Variants in DNAAF9 observed in about 807,000 individuals in gnomAD.
The protein encoded by DNAAF9 is dynein axonemal assembly factor 9, also known as shulin.
DNAAF9 carries 90 observed loss-of-function variants against 167.0 expected under a neutral mutation model. The observed-to-expected ratio is 0.54, with a 90% confidence interval of 0.45 to 0.64. The LOEUF (loss-of-function observed/expected upper bound fraction) is 0.64. DNAAF9 is among the 30% of genes least tolerant of loss of function. The pLI is 0.00. For synonymous variants in DNAAF9, 491 were observed against 508.8 expected, an observed-to-expected ratio of 0.96 and a Z score of 0.47; for missense variants, 1,315 against 1,442.2, an observed-to-expected ratio of 0.91 and a Z score of 1.43.
intron 3 of DNAAF9, among the ~76,000 whole-genome samples, chr20:3,380,781 T>C (rs1328975430): frequency 6.6e-6 from 1 of 152,222 alleles, no homozygotes; most frequent in Admixed American, 6.5e-5. Flanking sequence ...ATTCTAAATA[T>C]GTGATATCAG....
chr20:3,332,369 T>C lies in DNAAF9; in HGVS notation c.982-8A>G, dbSNP rs1241580255. ...TGAGACACACTGGGCTACCTGGATG[T>C]CAGAAAAAAATAAAAATAAAAAGGG... is the stretch of plus-strand genomic sequence containing the variant. On this transcript the variant is annotated splice_polypyrimidine_tract_variant and splice_region_variant and intron_variant, in intron 10 of 36. Coordinates refer to ENST00000252032, the MANE Select transcript of DNAAF9 (RefSeq NM_001009984.3). 1 of 1,548,518 alleles carries C rather than the reference T, an allele frequency of 6.5e-7. No homozygotes were observed.
intron 32 of DNAAF9, 101 bp downstream of exon 32, chr20:3,259,821 G>T: frequency 1.3e-6 from 1 of 757,342 alleles, no homozygotes; most frequent in Non-Finnish European, 2.3e-6. Flanking sequence ...CAAAAGGTAA[G>T]AAGACATACA....
intron 23 of DNAAF9, chr20:3,295,666 T>C: frequency 1.9e-6 from 1 of 538,054 alleles, no homozygotes; most frequent in Non-Finnish European, 3.8e-6. Context: ...TGTTTCACAT[T>C]AGAGACAAAC....
chr20:3,323,625 G>C (rs2069659081), intron 14 of DNAAF9, among the ~76,000 whole-genome samples: 2 of 152,176 alleles, frequency 1.3e-5, no homozygotes, highest in Admixed American at 1.3e-4. Context: ...GGGGCTCTAG[G>C]TGGAAGACTG....
At chr20:3,255,745 A>G (rs1453002075) in intron 34 of DNAAF9, among the ~76,000 whole-genome samples, 3 of 152,186 alleles carry the variant, frequency 2.0e-5, no homozygotes, top group Non-Finnish European at 2.9e-5. Flanking sequence ...TAAACCCCCA[A>G]GGCTGTGCTA....
intron 9 of DNAAF9, 130 bp downstream of exon 9, chr20:3,343,546 G>A: frequency 1.5e-6 from 1 of 672,470 alleles, no homozygotes; most frequent in Non-Finnish European, 2.7e-6. Flanking sequence ...CTTACCCTGT[G>A]ATAACTAAAG....
intron 1 of DNAAF9, among the ~76,000 whole-genome samples, chr20:3,387,668 C>T (rs1429794732): frequency 6.6e-6 from 1 of 151,870 alleles, no homozygotes; most frequent in African/African-American, 2.4e-5. Flanking sequence ...AACTTCTGTG[C>T]ATCAAATGAC....
At chr20:3,336,610 T>G (rs2069956308) in intron 10 of DNAAF9, among the ~76,000 whole-genome samples, 1 of 152,104 alleles carries the variant, frequency 6.6e-6, no homozygotes. Context: ...AGTGCAATGG[T>G]GCAACCTTGG....
At chr20:3,262,394 G>A (rs1189372761) in intron 31 of DNAAF9, among the ~76,000 whole-genome samples, 1 of 151,930 alleles carries the variant, frequency 6.6e-6, no homozygotes, top group Non-Finnish European at 1.5e-5. Flanking sequence ...GGGACTACAG[G>A]TGCCTGCCAC....
At chr20:3,304,262 C>T (rs1210080141) in intron 21 of DNAAF9, among the ~76,000 whole-genome samples, 178 bp downstream of exon 21, 3 of 152,284 alleles carry the variant, frequency 2.0e-5, no homozygotes, top group Admixed American at 2.0e-4. Context: ...GGCTCGTAAG[C>T]GTCTTGAGAA....
chr20:3,281,586 G>A (rs903104104), intron 28 of DNAAF9, 55 bp downstream of exon 28: 5 of 1,510,882 alleles, frequency 3.3e-6, no homozygotes, highest in African/African-American at 1.4e-5. Flanking sequence ...GTCTTCTTCT[G>A]GTGGGTGGAA....
intron 6 of DNAAF9, chr20:3,362,286 G>A: frequency 8.3e-7 from 1 of 1,198,262 alleles, no homozygotes; most frequent in South Asian, 1.3e-5. Flanking sequence ...GTTGGAAATT[G>A]CAAGGGACTT....
In DNAAF9 at chr20:3,343,949, C is replaced by T. The variant is rs1045747537; in HGVS notation, c.790-218G>A. On this transcript the variant is annotated intron_variant, in intron 8 of 36. Coordinates refer to ENST00000252032, the MANE Select transcript of DNAAF9 (RefSeq NM_001009984.3). ...TTATAAGAACATGGAAAGATGTGTA[C>T]GGTTAATAGCAATATGAATTTTAGG... Among the ~76,000 whole-genome samples the T allele has an allele frequency of 1.5e-4, 22 of 151,146 alleles. No individual in the cohort carries two copies. The Middle Eastern group carries it at 0.01, about 70-fold the overall frequency.
In DNAAF9 at chr20:3,258,268, A is replaced by G. The variant is rs1452940809; in HGVS notation, c.3055+1212T>C. On this transcript the variant is annotated intron_variant, in intron 33 of 36. Transcript: ENST00000252032. Reference sequence around the variant, plus strand: ...AGCAGGGGCTGGCTGTTGGAGCCTGAGATTAGTGGGCTTGGGTGTGGGGCC... The same window carrying G: ...AGCAGGGGCTGGCTGTTGGAGCCTGGGATTAGTGGGCTTGGGTGTGGGGCC... Among the ~76,000 whole-genome samples, 3 of 152,208 alleles carry G rather than the reference A, an allele frequency of 2.0e-5. No individual in the cohort carries two copies. The East Asian group carries it at 5.8e-4, about 29-fold the overall frequency.
intron 33 of DNAAF9, 23 bp downstream of exon 33, chr20:3,259,456 TC>T (rs2068340307): frequency 2.7e-6 from 4 of 1,472,362 alleles, no homozygotes; most frequent in Non-Finnish European, 3.8e-6. Context: ...GGTGTAGAGC[TC>T]CCAAATCCCA....
chr20:3,326,173 A>C (rs754943597), intron 13 of DNAAF9, 24 bp downstream of exon 13: 2 of 1,442,112 alleles, frequency 1.4e-6, no homozygotes, highest in Non-Finnish European at 2.0e-6. Flanking sequence ...AATTACAGAA[A>C]GGGAAACATG....
chr20:3,256,149 C>A lies in DNAAF9; in HGVS notation c.3118G>T (p.Val1040Phe). 2 of 1,614,242 alleles carry A rather than the reference C, an allele frequency of 1.2e-6. No individual in the cohort carries two copies. Among genetic ancestry groups the A allele is most frequent in the Non-Finnish European group, 1.7e-6 (2 of 1,180,044 alleles). ...GGTGGTGGTGTGGGTCCTTCCAAAA[C>A]TGGCATGATGCTCAAGGAGTTGGCC... ...TLANSLSIMP[V>F]LEGPTPPPDS... Residue 1040 changes from valine (V) to phenylalanine (F), a missense_variant, in exon 34 of 37, where the codon GTT (valine) becomes TTT (phenylalanine). Physicochemically the swap from Val to Phe is conservative, Grantham distance 50 (BLOSUM62 -1). Transcript: ENST00000252032.
rs1402555790 is a variant in DNAAF9 at position 3,290,169 on chromosome 20, G to C, written c.2287C>G (p.Leu763Val). ...TGLPGCHASE[L>V]CAFLVTLHKE... ...TGCAGAGTGACCAGAAAAGCACAGA[G>C]CTCGCTAGCGTGACAGCCTGGGAGG... Residue 763 changes from leucine (L) to valine (V), a missense_variant, in exon 26 of 37, where the codon CTC (leucine) becomes GTC (valine). Leu to Val is a conservative substitution (Grantham distance 32). Coordinates refer to ENST00000252032, the MANE Select transcript of DNAAF9 (RefSeq NM_001009984.3). 6.2e-7 allele frequency: 1 copy of C among 1,613,002 alleles called. No homozygotes were observed. Among genetic ancestry groups the C allele is most frequent in the African/African-American group, 1.3e-5 (1 of 74,906 alleles).
At chr20:3,325,070 T>C (rs2069686707) in intron 13 of DNAAF9, 102 bp from the exon 14 acceptor site, 2 of 748,484 alleles carry the variant, frequency 2.7e-6, no homozygotes, top group Non-Finnish European at 2.5e-6. Flanking sequence ...GATCACACCA[T>C]GCCCTACAGT....
Sources: allele counts gnomAD v4.1 joint callset (sites outside exome capture counted in the v4.1 genomes callset), GRCh38; gene constraint gnomAD v4.1.1; transcripts MANE v1.5; gene names NCBI Gene and HGNC (gene_info 2026-07-23, HGNC 2026-07-21).